The following OSBPL1A variants were observed in gnomAD, a reference collection of about 807,000 sequenced individuals.
OSBPL1A encodes the protein oxysterol-binding protein-related protein 1.
In OSBPL1A, 80 loss-of-function variants were observed where a neutral mutation model predicts 137.1. The ratio of observed to expected loss-of-function variants is 0.58; its 90% CI spans 0.49 to 0.70. The LOEUF is 0.70. OSBPL1A is among the 30% of genes least tolerant of loss of function. The pLI, the probability that OSBPL1A is intolerant of heterozygous loss-of-function variation, is 0.00. For missense variants in OSBPL1A, 970 were observed against 1,129.4 expected, an observed-to-expected ratio of 0.86 and a Z score of 2.02; for synonymous variants, 365 against 389.7, an observed-to-expected ratio of 0.94 and a Z score of 0.75.
intron 18 of OSBPL1A, among the ~76,000 whole-genome samples, chr18:24,192,793 G>C (rs1037312392): frequency 6.6e-6 from 1 of 152,132 alleles, no homozygotes; most frequent in Non-Finnish European, 1.5e-5. Flanking sequence ...ATAAGAATAT[G>C]TACTGTGAAT....
intron 16 of OSBPL1A, 145 bp downstream of exon 16, chr18:24,239,075 A>T: frequency 1.1e-6 from 1 of 888,388 alleles, no homozygotes; most frequent in Non-Finnish European, 1.7e-6. Context: ...AAATCTGGGG[A>T]GCTATACCAA....
At position 24,332,598 on chromosome 18, in the gene OSBPL1A, A is replaced by C. The variant is rs538212306; in HGVS notation, c.625+344T>G. On this transcript the variant is annotated intron_variant, in intron 7 of 27. Transcript: ENST00000319481. ...AAAAAAAAAAAAAAAAGGTTTCATA[A>C]TGATCAATTCATGAAAATGTTGTGA... Among the ~76,000 whole-genome samples the C allele has an allele frequency of 5.3e-5, 8 of 151,546 alleles. No homozygotes were observed. The South Asian group carries it at 1.7e-3, about 31-fold the overall frequency.
chr18:24,380,482 C>T (rs1056582536), intron 1 of OSBPL1A, among the ~76,000 whole-genome samples: 1 of 152,208 alleles, frequency 6.6e-6, no homozygotes, highest in African/African-American at 2.4e-5. Flanking sequence ...TCACCCACAC[C>T]TCAGAAATAC....
intron 21 of OSBPL1A, among the ~76,000 whole-genome samples, chr18:24,175,133 T>C (rs941975203): frequency 1.4e-4 from 17 of 122,682 alleles, no homozygotes; most frequent in African/African-American, 4.3e-4. Flanking sequence ...TATATATATA[T>C]ATACACATAT....
chr18:24,175,104 G>GTGTATATATATATATATATATATA lies in OSBPL1A; in HGVS notation c.2094-2622_2094-2621insTATATATATATATATATATATACA, dbSNP rs1491534405. On this transcript the variant is annotated intron_variant, in intron 21 of 27. Coordinates refer to ENST00000319481, the MANE Select transcript of OSBPL1A (RefSeq NM_080597.4). Reference sequence around the variant, plus strand: ...GACTTCATGTGCTTATTTGCCATGTGTATGTATATATATATATATATATAT... The same window carrying GTGTATATATATATATATATATATA: ...GACTTCATGTGCTTATTTGCCATGTGTGTATATATATATATATATATATATATGTATATATATATATATATATAT... 4.0e-4 allele frequency among the ~76,000 whole-genome samples: 17 copies of GTGTATATATATATATATATATATA among 42,718 alleles called. 1 individual carries two copies. The highest frequency in any genetic ancestry group is 4.5e-4 in the Non-Finnish European group (9 of 20,118). 28.0% of individuals were successfully genotyped at this position (42,718 alleles called of 152,430 possible).
In OSBPL1A at chr18:24,271,671, C is replaced by A; in HGVS notation, c.1281+9171G>T. ...CTGGCGCGCTCCACCCTGCGCTCCT[C>A]GCAAGCTCCAGCGCGAATGCGCTCG... On this transcript the variant is annotated intron_variant, in intron 15 of 27. Coordinates refer to ENST00000319481, the MANE Select transcript of OSBPL1A (RefSeq NM_080597.4). This position sits in a 1 kb window ranked among gnomAD's most constrained non-coding sequence, Gnocchi z 4.0. 2 of 985,838 alleles carry A rather than the reference C, an allele frequency of 2.0e-6. No homozygotes were observed. The highest frequency in any genetic ancestry group is 1.2e-6 in the Non-Finnish European group (1 of 830,234). 61.1% of individuals were successfully genotyped at this position (985,838 alleles called of 1,614,324 possible). A position where few individuals can be genotyped will look rare whatever the true frequency, so the allele number is the denominator to read the frequency against.
At chr18:24,230,428 C>T (rs1356428489) in intron 16 of OSBPL1A, among the ~76,000 whole-genome samples, 1 of 152,106 alleles carries the variant, frequency 6.6e-6, no homozygotes, top group Non-Finnish European at 1.5e-5. Flanking sequence ...GTATATTTTA[C>T]AATAAAAACA....
chr18:24,193,760 C>G (rs2086953331), intron 18 of OSBPL1A, among the ~76,000 whole-genome samples: 1 of 152,230 alleles, frequency 6.6e-6, no homozygotes, highest in African/African-American at 2.4e-5. Context: ...GAAGCTCTCT[C>G]TCTATGCTTT....
chr18:24,269,056 T>G (rs275876), intron 15 of OSBPL1A, among the ~76,000 whole-genome samples: 12,432 of 152,214 alleles, frequency 0.082, 533 homozygotes, highest in South Asian at 0.12. Flanking sequence ...CTCCTATTCA[T>G]GCCGTTTGTT....
intron 15 of OSBPL1A, among the ~76,000 whole-genome samples, chr18:24,241,839 C>T (rs2088704825): frequency 6.6e-6 from 1 of 152,078 alleles, no homozygotes; most frequent in South Asian, 2.1e-4. Flanking sequence ...ATGTTTATTG[C>T]AGCACTATTC....
intron 2 of OSBPL1A, among the ~76,000 whole-genome samples, chr18:24,371,970 T>G (rs1358230581): frequency 6.6e-6 from 1 of 152,118 alleles, no homozygotes; most frequent in Non-Finnish European, 1.5e-5. Flanking sequence ...ATTCCATTAC[T>G]GGTAACTTCA....
chr18:24,228,685 G>C (rs954402273), intron 16 of OSBPL1A, among the ~76,000 whole-genome samples: 2 of 152,196 alleles, frequency 1.3e-5, no homozygotes, highest in African/African-American at 4.8e-5. Context: ...GGAGAATGTT[G>C]TATCAGGAAA....
At position 24,361,281 on chromosome 18, in the gene OSBPL1A, C is replaced by T. The variant is rs1025386915; in HGVS notation, c.282+5611G>A. ...GGCTCAAGCAGTCCACCTGCCTCAG[C>T]GCCCCAAAGTGCTGGCATTACAGAC... On this transcript the variant is annotated intron_variant, in intron 4 of 27. Coordinates refer to ENST00000319481, the MANE Select transcript of OSBPL1A (RefSeq NM_080597.4). Among the ~76,000 whole-genome samples, 8 of 152,296 alleles carry T rather than the reference C, an allele frequency of 5.3e-5. No individual in the cohort carries two copies. The East Asian group carries it at 5.8e-4, about 11-fold the overall frequency.
In OSBPL1A at chr18:24,179,828, G is replaced by GC. The variant is rs1323664317; in HGVS notation, c.1819dup (p.Ala607GlyfsTer28). ...AGCAACAGCAGATACAGCAAACGCA[G>GC]CTACACACTGTGGGACAGAGCATGA... On this transcript the variant is annotated frameshift_variant, in exon 20 of 28. Transcript: ENST00000319481. LOFTEE classifies it high-confidence loss of function. 1 of 1,613,948 alleles carries GC rather than the reference G, an allele frequency of 6.2e-7. No individual in the cohort carries two copies. Among genetic ancestry groups the GC allele is most frequent in the South Asian group, 1.1e-5 (1 of 91,062 alleles).
intron 2 of OSBPL1A, among the ~76,000 whole-genome samples, chr18:24,373,426 A>G (rs1425312643): frequency 1.3e-5 from 2 of 152,234 alleles, no homozygotes; most frequent in African/African-American, 4.8e-5. Context: ...AAAGTATGTT[A>G]TGCATATACG....
At position 24,334,280 on chromosome 18, in the gene OSBPL1A, C is replaced by A; in HGVS notation, c.445G>T (p.Ala149Ser). Residue 149 changes from alanine (A) to serine (S), a missense_variant, in exon 6 of 28, where the codon GCA becomes TCA. By Grantham distance (99) the Ala-to-Ser change is moderately conservative (BLOSUM62 1). Transcript: ENST00000319481. ...RKLEELLLAA[A>S]REGKTTELTA... is the part of the protein sequence containing the mutation. ...AGTTCTGTTGTTTTGCCTTCTCTTGCTGCTGCTAAAAGTAATTCTTCAAGC... is the reference window on the plus strand; with the variant it reads ...AGTTCTGTTGTTTTGCCTTCTCTTGATGCTGCTAAAAGTAATTCTTCAAGC... The A allele has an allele frequency of 6.2e-7, 1 of 1,611,960 alleles. No individual in the cohort carries two copies. Among genetic ancestry groups the A allele is most frequent in the East Asian group, 2.2e-5 (1 of 44,666 alleles).
chr18:24,245,934 G>A (rs1287114258), intron 15 of OSBPL1A, among the ~76,000 whole-genome samples: 3 of 152,118 alleles, frequency 2.0e-5, no homozygotes, highest in African/African-American at 7.2e-5. Context: ...TAGGGGCTGG[G>A]CACAGTGGCT....
Position 24,366,910 on chromosome 18 carries a change from A to G in OSBPL1A, c.264T>C (p.Ala88=), listed in dbSNP as rs371874443. Residue 88 remains alanine, a synonymous_variant, in exon 4 of 28, where the codon GCT becomes GCC. Coordinates refer to ENST00000319481, the MANE Select transcript of OSBPL1A (RefSeq NM_080597.4). ...NDMGDTPLHR[A]AFTGRKELVM... is the part of the protein sequence containing the mutation. ...TTTTCACCTTTCGTCCTGTAAAGGCAGCTCGATGAAGCGGCGTGTCTCCCA... is the reference window on the plus strand; with the variant it reads ...TTTTCACCTTTCGTCCTGTAAAGGCGGCTCGATGAAGCGGCGTGTCTCCCA... 1.9e-6 allele frequency: 3 copies of G among 1,612,150 alleles called. No individual in the cohort carries two copies. The highest frequency in any genetic ancestry group is 2.5e-6 in the Non-Finnish European group (3 of 1,179,162).
intron 12 of OSBPL1A, among the ~76,000 whole-genome samples, chr18:24,313,912 G>A (rs2146115915): frequency 6.6e-6 from 1 of 152,032 alleles, no homozygotes; most frequent in East Asian, 1.9e-4. Flanking sequence ...GACTACCCTG[G>A]GCAATGTGGT....
Sources: allele counts gnomAD v4.1 joint callset (sites outside exome capture counted in the v4.1 genomes callset), GRCh38; gene constraint gnomAD v4.1.1; non-coding constraint Gnocchi (gnomAD v3.1); transcripts MANE v1.5; gene names NCBI Gene and HGNC (gene_info 2026-07-23, HGNC 2026-07-21).